The following MAP2 variants were observed in gnomAD, a reference collection of about 807,000 sequenced individuals.
MAP2 encodes microtubule-associated protein 2.
A neutral mutation model predicts 137.6 loss-of-function variants in MAP2; 14 were observed. That is an observed-to-expected ratio of 0.10 (90% confidence interval 0.07 to 0.16). MAP2 has a LOEUF of 0.16. Among genes scored for constraint, MAP2 ranks in the 10% least tolerant of loss-of-function variants. The pLI is 1.00. For missense variants in MAP2, 2,088 were observed against 2,191.5 expected, an observed-to-expected ratio of 0.95 and a Z score of 0.94; for synonymous variants, 786 against 782.3, an observed-to-expected ratio of 1.00 and a Z score of -0.08.
At chr2:209,539,227 A>G (rs114667606) in intron 2 of MAP2, among the ~76,000 whole-genome samples, 3,225 of 152,344 alleles carry the variant, frequency 0.021, 103 homozygotes, top group African/African-American at 0.072. Flanking sequence ...CTGCTCTTAT[A>G]AAATGCCAAG....
intron 1 of MAP2, among the ~76,000 whole-genome samples, chr2:209,500,971 G>A (rs1056966275): frequency 8.8e-5 from 13 of 148,414 alleles, no homozygotes; most frequent in African/African-American, 2.7e-4. Context: ...TGGGGAGGTC[G>A]AGACTGGAGT....
intron 2 of MAP2, among the ~76,000 whole-genome samples, chr2:209,573,298 G>GGTTGTTTTTTTTTTTTT (rs770132978): frequency 5.0e-5 from 6 of 120,070 alleles, no homozygotes; most frequent in African/African-American, 2.0e-4. Context: ...TTCTTTTTCT[G>GGTTGTTTTTTTTTTTTT]TTTTTTTTTT....
At chr2:209,669,116 AAC>A (rs1420394892) in intron 5 of MAP2, among the ~76,000 whole-genome samples, 1 of 152,116 alleles carries the variant, frequency 6.6e-6, no homozygotes, top group African/African-American at 2.4e-5. Flanking sequence ...ATAGAAAATG[AAC>A]AGTCACTTAT....
At chr2:209,484,242 CTT>C (rs1299966635) in intron 1 of MAP2, among the ~76,000 whole-genome samples, 4 of 152,170 alleles carry the variant, frequency 2.6e-5, no homozygotes, top group Non-Finnish European at 4.4e-5. Flanking sequence ...CACAGACTGA[CTT>C]TTTACAGCAC....
intron 3 of MAP2, among the ~76,000 whole-genome samples, chr2:209,614,782 C>G (rs559896373): frequency 1.3e-5 from 2 of 152,084 alleles, no homozygotes; most frequent in African/African-American, 2.4e-5. Flanking sequence ...AGGGTGCCAG[C>G]TTAGTCCCCA....
intron 13 of MAP2, among the ~76,000 whole-genome samples, chr2:209,717,436 T>C (rs2068150103): frequency 6.6e-6 from 1 of 152,148 alleles, no homozygotes; most frequent in African/African-American, 2.4e-5. Flanking sequence ...AACCTGAGAT[T>C]TGGGCAGGGA....
chr2:209,596,762 G>A (rs959184573), intron 3 of MAP2, among the ~76,000 whole-genome samples: 6 of 152,146 alleles, frequency 3.9e-5, no homozygotes, highest in Non-Finnish European at 5.9e-5. Flanking sequence ...AACATGAAGC[G>A]CTAACTCAAA....
At chr2:209,648,068 C>G (rs2094522544) in intron 4 of MAP2, among the ~76,000 whole-genome samples, 1 of 150,842 alleles carries the variant, frequency 6.6e-6, no homozygotes, top group Admixed American at 6.6e-5. Flanking sequence ...AGTGTAATAT[C>G]TCACCCTGAT....
intron 13 of MAP2, among the ~76,000 whole-genome samples, chr2:209,715,545 A>T (rs956069076): frequency 6.6e-6 from 1 of 152,212 alleles, no homozygotes; most frequent in African/African-American, 2.4e-5. Flanking sequence ...TATGTAAAAA[A>T]GTGCTAAGTA....
chr2:209,613,912 C>A (rs1002218379), intron 3 of MAP2, among the ~76,000 whole-genome samples: 1 of 152,108 alleles, frequency 6.6e-6, no homozygotes, highest in African/African-American at 2.4e-5. Context: ...ATAATTAGAG[C>A]AGCTGGAATA....
intron 1 of MAP2, among the ~76,000 whole-genome samples, chr2:209,463,458 T>C (rs1703361861): frequency 6.6e-6 from 1 of 152,176 alleles, no homozygotes; most frequent in African/African-American, 2.4e-5. Flanking sequence ...TTTTTCTTCT[T>C]TTTTTGGCCT....
intron 2 of MAP2, among the ~76,000 whole-genome samples, chr2:209,508,584 C>CCACA (rs56195417): frequency 8.9e-5 from 13 of 146,020 alleles, no homozygotes; most frequent in African/African-American, 1.8e-4. Context: ...TCTCTCTGTC[C>CCACA]CACACACACA....
Position 209,563,974 on chromosome 2 carries a change from A to G in MAP2, c.-171-16062A>G, listed in dbSNP as rs370328058. On this transcript the variant is annotated intron_variant, in intron 2 of 15. Coordinates refer to ENST00000682079, the MANE Select transcript of MAP2 (RefSeq NM_001375505.1). ...AATGTTTGTAGATCTTATTTAAAGC[A>G]TATGTTATAAATACCATCTTGGAAT... Among the ~76,000 whole-genome samples the G allele has an allele frequency of 5.2e-4, 79 of 152,296 alleles. 1 individual carries two copies. In the South Asian group the frequency reaches 0.016, roughly 30 times the overall value.
rs757232375 is a variant in MAP2 at position 209,705,718 on chromosome 2, C to T, written c.4723C>T (p.Arg1575Trp). ...LNSSISSSAR[R>W]TTRSEPIRRA... ...CAGTTCTATCTCTTCTTCAGCACGG[C>T]GGACCACCAGTAGGTTTATTTTGAT... is the stretch of plus-strand genomic sequence containing the variant. The change falls in exon 12 of 16, where the codon CGG becomes TGG. Residue 1575 changes from arginine (R) to tryptophan (W), a missense_variant. By Grantham distance (101) the Arg-to-Trp change is moderately radical. Coordinates refer to ENST00000682079, the MANE Select transcript of MAP2 (RefSeq NM_001375505.1). 5.0e-6 allele frequency: 8 copies of T among 1,611,980 alleles called. No homozygotes were observed. The highest frequency in any genetic ancestry group is 1.1e-5 in the South Asian group (1 of 90,950).
At chr2:209,673,641 A>G (rs2049918690) in intron 5 of MAP2, among the ~76,000 whole-genome samples, 1 of 151,840 alleles carries the variant, frequency 6.6e-6, no homozygotes, top group South Asian at 2.1e-4. Context: ...AAGCAGTTTT[A>G]TGTTTGTTTA....
chr2:209,439,450 A>G (rs1264900428), intron 1 of MAP2, among the ~76,000 whole-genome samples: 2 of 151,574 alleles, frequency 1.3e-5, no homozygotes, highest in East Asian at 1.9e-4. Flanking sequence ...TTGAAACTAA[A>G]CTATGACTTT....
chr2:209,570,343 T>A (rs1013633192), intron 2 of MAP2, among the ~76,000 whole-genome samples: 2 of 151,858 alleles, frequency 1.3e-5, no homozygotes, highest in African/African-American at 4.8e-5. Flanking sequence ...AGCTGAGAAG[T>A]CCAGGGATTG....
At chr2:209,621,675 A>AT (rs2153521994) in intron 3 of MAP2, among the ~76,000 whole-genome samples, 1 of 152,262 alleles carries the variant, frequency 6.6e-6, no homozygotes, top group South Asian at 2.1e-4. Context: ...TCCAGGGAAG[A>AT]TTTTATCTTG....
At chr2:209,523,754 T>C (rs896864681) in intron 2 of MAP2, among the ~76,000 whole-genome samples, 1 of 152,212 alleles carries the variant, frequency 6.6e-6, no homozygotes, top group Non-Finnish European at 1.5e-5. Context: ...GAATCAAAGA[T>C]TGAAGTGCCC....
Sources: allele counts gnomAD v4.1 joint callset (sites outside exome capture counted in the v4.1 genomes callset), GRCh38; gene constraint gnomAD v4.1.1; transcripts MANE v1.5; gene names NCBI Gene and HGNC (gene_info 2026-07-23, HGNC 2026-07-21).